The following ATP9B variants were observed in gnomAD, a reference collection of about 807,000 sequenced individuals.
The protein encoded by ATP9B is probable phospholipid-transporting ATPase IIB.
A neutral mutation model predicts 146.1 loss-of-function variants in ATP9B; 110 were observed. The ratio of observed to expected loss-of-function variants is 0.75; its 90% confidence interval spans 0.65 to 0.88. The LOEUF (loss-of-function observed/expected upper bound fraction) is 0.88, where lower values mean the gene tolerates loss of function less well. ATP9B is among the 40% of genes least tolerant of loss of function. The probability of loss-of-function intolerance (pLI) is 0.00; values close to 1 mark genes in which losing one functional copy is unlikely to be tolerated. For synonymous variants in ATP9B, 604 were observed against 569.7 expected (o/e 1.06, Z -0.86); for missense variants, 1,499 against 1,496.4 (o/e 1.00, Z -0.03).
At chr18:79,124,257 T>A (rs577510150) in intron 4 of ATP9B, among the ~76,000 whole-genome samples, 1 of 152,304 alleles carries the variant, frequency 6.6e-6, no homozygotes, top group East Asian at 1.9e-4. Context: ...TAAAATTAGA[T>A]GATGGTGACG....
intron 6 of ATP9B, among the ~76,000 whole-genome samples, chr18:79,149,189 G>A (rs1195414916): frequency 2.6e-5 from 4 of 151,916 alleles, no homozygotes; most frequent in African/African-American, 4.8e-5. Flanking sequence ...AAACTAATTC[G>A]GAAAGGCACA....
intron 1 of ATP9B, among the ~76,000 whole-genome samples, chr18:79,074,599 G>A (rs2072376940): frequency 6.6e-6 from 1 of 152,262 alleles, no homozygotes; most frequent in Non-Finnish European, 1.5e-5. Context: ...GTAGTGGCAA[G>A]TTCCCCTTAC....
chr18:79,352,184 G>A (rs540383758), intron 25 of ATP9B, among the ~76,000 whole-genome samples: 1 of 152,362 alleles, frequency 6.6e-6, no homozygotes, highest in East Asian at 1.9e-4. Flanking sequence ...CATCATAGCA[G>A]CCATTCCTGG....
At chr18:79,084,825 G>T (rs949531129) in intron 1 of ATP9B, among the ~76,000 whole-genome samples, 8 of 152,020 alleles carry the variant, frequency 5.3e-5, no homozygotes, top group Admixed American at 3.3e-4. Flanking sequence ...TACTACTTTA[G>T]GACACAGTGT....
chr18:79,118,881 G>A (rs1327606134), intron 4 of ATP9B, among the ~76,000 whole-genome samples: 2 of 151,914 alleles, frequency 1.3e-5, no homozygotes. Flanking sequence ...ACCAACCTGG[G>A]TAAGATGGTG....
In ATP9B at chr18:79,146,699, C is replaced by G. The variant is rs2094596537; in HGVS notation, c.726+2839C>G. ...TGTTCTCATCTGTCTCATCCCTGAC[C>G]ACGTGAGTACGCAGGACACCTGTGT... On this transcript the variant is annotated intron_variant, in intron 6 of 29. Transcript: ENST00000426216. 2.4e-5 allele frequency: 5 copies of G among 206,920 alleles called. No homozygotes were observed. The South Asian group carries it at 3.4e-4, about 14-fold the overall frequency. 12.8% of individuals were successfully genotyped at this position (206,920 alleles called of 1,614,324 possible).
intron 18 of ATP9B, among the ~76,000 whole-genome samples, 200 bp from the exon 19 acceptor site, chr18:79,337,078 CG>C (rs1405538511): frequency 1.3e-5 from 2 of 150,782 alleles, no homozygotes; most frequent in Non-Finnish European, 2.9e-5. Flanking sequence ...ACACGGAGCA[CG>C]TACACGTGTG....
At chr18:79,326,498 C>A (rs897564237) in intron 15 of ATP9B, among the ~76,000 whole-genome samples, 11 of 150,378 alleles carry the variant, frequency 7.3e-5, no homozygotes, top group South Asian at 4.2e-4. Context: ...ATCTCTATAC[C>A]CTCCCTCCCC....
chr18:79,110,768 A>G (rs946985797), intron 3 of ATP9B, among the ~76,000 whole-genome samples: 3 of 152,234 alleles, frequency 2.0e-5, no homozygotes, highest in African/African-American at 4.8e-5. Context: ...CATCATATTT[A>G]TATTATTTTA....
At chr18:79,106,385 C>T (rs1347560538) in intron 2 of ATP9B, among the ~76,000 whole-genome samples, 5 of 152,132 alleles carry the variant, frequency 3.3e-5, no homozygotes, top group African/African-American at 1.2e-4. Flanking sequence ...CTCAGTGAGG[C>T]TTAAACATAC....
At chr18:79,324,774 T>G (rs543038842) in intron 15 of ATP9B, among the ~76,000 whole-genome samples, 5 of 152,264 alleles carry the variant, frequency 3.3e-5, no homozygotes, top group Admixed American at 1.3e-4. Context: ...TCTATACCAT[T>G]AAGTCTTCTT....
chr18:79,355,229 A>G (rs929937635), intron 25 of ATP9B, among the ~76,000 whole-genome samples: 2 of 152,226 alleles, frequency 1.3e-5, no homozygotes, highest in Non-Finnish European at 2.9e-5. Context: ...AGGGGTTTCC[A>G]TCAGAGTCCC....
chr18:79,144,679 T>A (rs916412307), intron 6 of ATP9B: 1 of 152,450 alleles, frequency 6.6e-6, no homozygotes, highest in Non-Finnish European at 1.5e-5. Context: ...TTATAGTACT[T>A]AATACAATGC....
rs1429706518 is a variant in ATP9B at position 79,345,470 on chromosome 18, T to C, written c.2515T>C (p.Cys839Arg). The C allele has an allele frequency of 1.2e-6, 2 of 1,613,892 alleles. No individual in the cohort carries two copies. The highest frequency in any genetic ancestry group is 1.7e-6 in the Non-Finnish European group (2 of 1,180,050). ...CGAGCATGAATTTGTGGAGCTGGCC[T>C]GCCAGTGCCCTGCCGTGGTTTGCTG... ...YYEHEFVELA[C>R]QCPAVVCCRC... Residue 839 changes from cysteine (C) to arginine (R), a missense_variant, in exon 22 of 30, where the codon TGC becomes CGC. Cys to Arg is a radical substitution (Grantham distance 180). Coordinates refer to ENST00000426216, the MANE Select transcript of ATP9B (RefSeq NM_198531.5).
intron 9 of ATP9B, among the ~76,000 whole-genome samples, chr18:79,198,343 C>A (rs2095435561): frequency 6.6e-6 from 1 of 152,140 alleles, no homozygotes; most frequent in African/African-American, 2.4e-5. Flanking sequence ...CAACACTAAT[C>A]AAAGCTGGAG....
chr18:79,356,678 C>T (rs1428412048), intron 25 of ATP9B, among the ~76,000 whole-genome samples: 5 of 146,140 alleles, frequency 3.4e-5, no homozygotes, highest in African/African-American at 1.2e-4. Context: ...ATTTGCATAG[C>T]ATTCTTGAAA....
At chr18:79,172,730 T>C (rs1252040243) in intron 7 of ATP9B, among the ~76,000 whole-genome samples, 1 of 152,292 alleles carries the variant, frequency 6.6e-6, no homozygotes, top group African/African-American at 2.4e-5. Context: ...TTTTTACTGC[T>C]AACTAGGATT....
intron 8 of ATP9B, among the ~76,000 whole-genome samples, chr18:79,178,062 C>T (rs2095201843): frequency 6.6e-6 from 1 of 152,082 alleles, no homozygotes; most frequent in Admixed American, 6.5e-5. Flanking sequence ...CTTTTACCTG[C>T]TTGGTGGTGG....
intron 7 of ATP9B, chr18:79,174,162 C>T (rs541072865): frequency 2.4e-6 from 1 of 423,640 alleles, no homozygotes; most frequent in South Asian, 1.7e-5. Context: ...AAGTAAACTT[C>T]CCTTAAAGGT....
Sources: gnomAD v4.1 joint callset for allele counts (sites outside exome capture counted in the v4.1 genomes callset) on GRCh38, gnomAD v4.1.1 for gene constraint, MANE v1.5 for transcripts, NCBI Gene and HGNC (gene_info 2026-07-23, HGNC 2026-07-21) for gene names.